Variants in RUBCN observed in about 807,000 individuals in gnomAD.
The protein encoded by RUBCN is run domain Beclin-1-interacting and cysteine-rich domain-containing protein.
In RUBCN, 74 loss-of-function variants were observed where a neutral mutation model predicts 113.2. That is an observed-to-expected ratio of 0.65 (90% CI 0.54 to 0.79). RUBCN has a LOEUF of 0.79. Ranked by LOEUF, RUBCN falls within the 30% of genes least tolerant of loss-of-function variation. The pLI, the probability that RUBCN is intolerant of heterozygous loss-of-function variation, is 0.00. For synonymous variants in RUBCN, 480 were observed against 490.0 expected, an observed-to-expected ratio of 0.98 and a Z score of 0.27; for missense variants, 1,109 against 1,251.7, an observed-to-expected ratio of 0.89 and a Z score of 1.72.
chr3:197,680,911 GA>G (rs974137755), intron 16 of RUBCN, among the ~76,000 whole-genome samples: 3 of 151,480 alleles, frequency 2.0e-5, no homozygotes, highest in Non-Finnish European at 4.4e-5. Flanking sequence ...CATGAACGGA[GA>G]GACGGTTATA....
chr3:197,700,625 T>C lies in RUBCN; in HGVS notation c.1249A>G (p.Arg417Gly). 1 of 1,614,142 alleles carries C rather than the reference T, an allele frequency of 6.2e-7. No individual in the cohort carries two copies. Among genetic ancestry groups the C allele is most frequent in the Non-Finnish European group, 8.5e-7 (1 of 1,179,996 alleles). ...RSHSDTSIASRGAPESCNDKA... is the reference protein window; with the variant it reads ...RSHSDTSIASGGAPESCNDKA... ...TGTTCCTCATTACCTGGAGCTCCCC[T>C]GGAGGCAATGCTGGTATCCGAATGG... The change falls in exon 7 of 20, where the codon AGG becomes GGG. Residue 417 changes from arginine (R) to glycine (G), a missense_variant. Around this residue, in one of 3 missense-constraint regions of RUBCN, gnomAD observed 736 missense variants for 779.6 expected, o/e 0.94. Transcript: ENST00000296343.
intron 5 of RUBCN, among the ~76,000 whole-genome samples, chr3:197,702,495 T>G (rs1723794843): frequency 6.6e-6 from 1 of 152,052 alleles, no homozygotes; most frequent in East Asian, 1.9e-4. Context: ...AAACCCCGTC[T>G]CTACTAAAAA....
At chr3:197,713,019 C>T (rs371568602) in intron 2 of RUBCN, among the ~76,000 whole-genome samples, 2 of 152,154 alleles carry the variant, frequency 1.3e-5, no homozygotes, top group East Asian at 3.9e-4. Context: ...ACCACCACGC[C>T]CGGCTAATTT....
chr3:197,718,614 A>G (rs79120639), intron 1 of RUBCN, among the ~76,000 whole-genome samples: 1,999 of 151,956 alleles, frequency 0.013, 25 homozygotes, highest in Non-Finnish European at 0.02. Flanking sequence ...ACACACCCAG[A>G]TAATTTTTAA....
At chr3:197,729,769 G>A (rs1727210036) in intron 1 of RUBCN, among the ~76,000 whole-genome samples, 1 of 151,630 alleles carries the variant, frequency 6.6e-6, no homozygotes, top group Non-Finnish European at 1.5e-5. Context: ...ATGTTGACCA[G>A]GCTGGTCTTG....
chr3:197,696,386 CAA>C (rs1723006390), intron 8 of RUBCN, among the ~76,000 whole-genome samples: 2 of 148,624 alleles, frequency 1.3e-5, no homozygotes, highest in East Asian at 4.0e-4. Context: ...AAAAAAAAAA[CAA>C]AACAAAAAAG....
Position 197,672,045 on chromosome 3 carries a change from C to A in RUBCN, c.*2973G>T, listed in dbSNP as rs1325378532. ...AAGATGACAATGAACTGCCAGGCTG[C>A]ACAAGCACCACAGCAGGTGGAAACG... On this transcript the variant is annotated 3_prime_UTR_variant, in exon 20 of 20. Coordinates refer to ENST00000296343, the MANE Select transcript of RUBCN (RefSeq NM_014687.4). The A allele has an allele frequency of 2.0e-5, 3 of 152,230 alleles. No individual in the cohort carries two copies. Among genetic ancestry groups the A allele is most frequent in the African/African-American group, 4.8e-5 (2 of 41,454 alleles). 9.4% of individuals were successfully genotyped at this position (152,230 alleles called of 1,614,324 possible). A position where few individuals can be genotyped will look rare whatever the true frequency, so the allele number is the denominator to read the frequency against.
At chr3:197,676,827 C>G (rs367584206) in intron 18 of RUBCN, 58 bp downstream of exon 18, 78 of 1,612,798 alleles carry the variant, frequency 4.8e-5, no homozygotes, top group African/African-American at 8.0e-5. Context: ...GGTCCACCCC[C>G]CTCCCTGTAT....
intron 2 of RUBCN, among the ~76,000 whole-genome samples, chr3:197,713,389 T>C (rs549191112): frequency 2.6e-4 from 39 of 152,254 alleles, no homozygotes; most frequent in African/African-American, 7.0e-4. Flanking sequence ...ACCTGACCCA[T>C]TGAGTGGCAG....
At chr3:197,709,231 T>C (rs1724670414) in intron 2 of RUBCN, among the ~76,000 whole-genome samples, 2 of 152,208 alleles carry the variant, frequency 1.3e-5, no homozygotes, top group Non-Finnish European at 2.9e-5. Context: ...TTTTTTCCTG[T>C]TCTTATCGAA....
Position 197,684,217 on chromosome 3 carries a change from T to C in RUBCN, c.1787A>G (p.Asp596Gly). ...ADEVDEFEIQ[D>G]ADIRRNTASS... Reference sequence around the variant, plus strand: ...GGCTGTGTTCCTTCTGATGTCAGCATCTACATGGAAACCAGAGATAAGGGG... The same window carrying C: ...GGCTGTGTTCCTTCTGATGTCAGCACCTACATGGAAACCAGAGATAAGGGG... Residue 596 changes from aspartate to glycine, a missense_variant and splice_region_variant, in exon 12 of 20, where the codon GAT becomes GGT. By Grantham distance (94) the Asp-to-Gly change is moderately conservative. Transcript: ENST00000296343. 1.2e-6 allele frequency: 2 copies of C among 1,613,358 alleles called. No homozygotes were observed. Among genetic ancestry groups the C allele is most frequent in the South Asian group, 1.1e-5 (1 of 91,058 alleles).
At chr3:197,679,573 T>TCTGACCACTGGCTCCAGACTGTCCTAC (rs1720941908) in intron 16 of RUBCN, among the ~76,000 whole-genome samples, 1 of 118,244 alleles carries the variant, frequency 8.5e-6, no homozygotes, top group African/African-American at 3.3e-5. Context: ...GACTGTCCTA[T>TCTGACCACTGGCTCCAGACTGTCCTAC]GCTCTGACCA....
intron 1 of RUBCN, among the ~76,000 whole-genome samples, chr3:197,731,650 G>T (rs1727495167): frequency 6.6e-6 from 1 of 151,736 alleles, no homozygotes; most frequent in Non-Finnish European, 1.5e-5. Flanking sequence ...CTCCCGGACG[G>T]GGCGGCTGGC....
intron 2 of RUBCN, among the ~76,000 whole-genome samples, chr3:197,712,861 CTT>C (rs10662950): frequency 2.0e-5 from 3 of 146,818 alleles, no homozygotes; most frequent in Non-Finnish European, 4.5e-5. Context: ...GATATTATCA[CTT>C]TTTTTTTTTT....
chr3:197,699,981 A>G (rs1184982095), intron 7 of RUBCN, among the ~76,000 whole-genome samples: 1 of 152,172 alleles, frequency 6.6e-6, no homozygotes, highest in Admixed American at 6.5e-5. Flanking sequence ...GGATGATGGC[A>G]GGGAGATGGC....
At chr3:197,718,878 C>T (rs1172464309) in intron 1 of RUBCN, among the ~76,000 whole-genome samples, 1 of 152,210 alleles carries the variant, frequency 6.6e-6, no homozygotes, top group East Asian at 1.9e-4. Flanking sequence ...GCGCTAACTA[C>T]AGCATCGTGA....
chr3:197,722,125 C>T (rs1726239070), intron 1 of RUBCN, among the ~76,000 whole-genome samples: 2 of 151,884 alleles, frequency 1.3e-5, no homozygotes, highest in Non-Finnish European at 2.9e-5. Context: ...TGCATGTAAT[C>T]CCAGCTACAC....
rs1192304003 is a variant in RUBCN, at chr3:197,705,175, C to T, written c.220G>A (p.Ala74Thr). The T allele has an allele frequency of 1.2e-6, 2 of 1,613,800 alleles. No individual in the cohort carries two copies. The highest frequency in any genetic ancestry group is 3.3e-5 in the Admixed American group (2 of 60,022). Residue 74 changes from alanine to threonine, a missense_variant and splice_region_variant, in exon 3 of 20, where the codon GCG becomes ACG. Physicochemically the swap from Ala to Thr is moderately conservative, Grantham distance 58. Around this residue, in one of 3 missense-constraint regions of RUBCN, gnomAD observed 736 missense variants for 779.6 expected, o/e 0.94. Coordinates refer to ENST00000296343, the MANE Select transcript of RUBCN (RefSeq NM_014687.4). ...CAGTAATCCGTCTGGCGGCGGCACGCCTGCAAAGGGAACACATACAATGAG... is the reference window on the plus strand; with the variant it reads ...CAGTAATCCGTCTGGCGGCGGCACGTCTGCAAAGGGAACACATACAATGAG... ...ILYHGLIRDQ[A>T]CRRQTDYWQF...
chr3:197,677,764 C>T (rs1270371189), intron 16 of RUBCN, among the ~76,000 whole-genome samples: 3 of 151,398 alleles, frequency 2.0e-5, no homozygotes, highest in African/African-American at 7.3e-5. Flanking sequence ...TGGCTTCAGA[C>T]TGTCCTACGC....
Sources: allele counts gnomAD v4.1 joint callset (sites outside exome capture counted in the v4.1 genomes callset), GRCh38; gene constraint gnomAD v4.1.1; regional missense constraint gnomAD v4.1.1; transcripts MANE v1.5; gene names NCBI Gene and HGNC (gene_info 2026-07-23, HGNC 2026-07-21).